Variants in PKHD1 observed in about 807,000 individuals in gnomAD.
The protein encoded by PKHD1 is fibrocystin.
Under a neutral mutation model 412.0 loss-of-function variants are expected in PKHD1, and 291 were observed. That is an observed-to-expected ratio of 0.71 (90% confidence interval 0.64 to 0.78). The LOEUF is 0.78. Among genes scored for constraint, PKHD1 ranks in the 30% least tolerant of loss-of-function variants. The pLI is 0.00. For missense variants in PKHD1, 4,825 were observed against 4,950.7 expected (o/e 0.97, Z 0.76); for synonymous variants, 1,777 against 1,821.5 (o/e 0.98, Z 0.62).
chr6:52,052,723 T>C (rs914397393), intron 21 of PKHD1, among the ~76,000 whole-genome samples: 13 of 152,196 alleles, frequency 8.5e-5, no homozygotes, highest in African/African-American at 2.9e-4. Flanking sequence ...TAAGGAGTAC[T>C]TTATATTAAA....
chr6:52,036,211 T>C (rs1803926904), intron 27 of PKHD1, among the ~76,000 whole-genome samples: 1 of 152,206 alleles, frequency 6.6e-6, no homozygotes, highest in African/African-American at 2.4e-5. Flanking sequence ...ATTTTCCTCA[T>C]CTTTAAATAA....
At chr6:51,769,543 G>C (rs955297022) in intron 55 of PKHD1, among the ~76,000 whole-genome samples, 4 of 151,352 alleles carry the variant, frequency 2.6e-5, no homozygotes, top group African/African-American at 9.7e-5. Flanking sequence ...TATGATTAAA[G>C]TTATTAGAGA....
rs552702637 is a variant in PKHD1 at position 51,914,178 on chromosome 6, G to T, written c.6122-1602C>A. Reference sequence around the variant, plus strand: ...GACTATCAACATGCAAGCTACGCATGGCAGAACCAAGAGTAAAGACCACAA... The same window carrying T: ...GACTATCAACATGCAAGCTACGCATTGCAGAACCAAGAGTAAAGACCACAA... On this transcript the variant is annotated intron_variant, in intron 37 of 66. Transcript: ENST00000371117. 3.3e-5 allele frequency among the ~76,000 whole-genome samples: 5 copies of T among 152,180 alleles called. No homozygotes were observed. In the South Asian group the frequency reaches 1.0e-3, roughly 32 times the overall value.
At chr6:51,690,271 C>CAAAAAAAAA (rs70977310) in intron 60 of PKHD1, among the ~76,000 whole-genome samples, 114 of 109,902 alleles carry the variant, frequency 1.0e-3, no homozygotes, top group Non-Finnish European at 1.6e-3. Context: ...GACTCCATCT[C>CAAAAAAAAA]AAAAAAAAAA....
chr6:51,763,597 T>C (rs960390975), intron 55 of PKHD1, among the ~76,000 whole-genome samples: 1 of 152,164 alleles, frequency 6.6e-6, no homozygotes, highest in African/African-American at 2.4e-5. Context: ...CATGACCTAA[T>C]CTGAATTCAT....
intron 14 of PKHD1, 41 bp from the exon 15 acceptor site, chr6:52,060,083 C>T (rs775988134): frequency 4.5e-6 from 5 of 1,103,000 alleles, no homozygotes; most frequent in Non-Finnish European, 7.0e-6. Flanking sequence ...GTAACCAAGG[C>T]CTGAATCACT....
intron 46 of PKHD1, among the ~76,000 whole-genome samples, chr6:51,881,823 C>T (rs1193394427): frequency 2.6e-5 from 4 of 152,174 alleles, no homozygotes; most frequent in Admixed American, 2.0e-4. Context: ...AGCATCTAGA[C>T]ATCCCCTAGA....
chr6:51,744,011 T>C (rs1784889881), intron 60 of PKHD1, among the ~76,000 whole-genome samples: 1 of 152,038 alleles, frequency 6.6e-6, no homozygotes, highest in Middle Eastern at 3.2e-3. Context: ...AAAAGAAAGG[T>C]AAGCTTAAAG....
At chr6:51,977,457 GC>G (rs746726406) in intron 35 of PKHD1, among the ~76,000 whole-genome samples, 1 of 152,150 alleles carries the variant, frequency 6.6e-6, no homozygotes, top group Non-Finnish European at 1.5e-5. Context: ...ATCGAGAACA[GC>G]CTTTCACCCC....
chr6:51,702,890 ATTTTTTT>A (rs11447702), intron 60 of PKHD1, among the ~76,000 whole-genome samples: 1 of 138,264 alleles, frequency 7.2e-6, no homozygotes, highest in Non-Finnish European at 1.6e-5. Flanking sequence ...TCAGAAATCA[ATTTTTTT>A]TTTTTTTTTT....
chr6:51,934,357 A>C lies in PKHD1; in HGVS notation c.5909-35T>G, dbSNP rs201142111. The C allele has an allele frequency of 5.2e-5, 72 of 1,385,398 alleles. No individual in the cohort carries two copies. In the Middle Eastern group the frequency reaches 7.6e-4, roughly 15 times the overall value. The allele number at this position is 1,385,398 out of a possible 1,614,324, so 85.8% of individuals were successfully genotyped here. On this transcript the variant is annotated intron_variant, in intron 36 of 66. Transcript: ENST00000371117. Reference sequence around the variant, plus strand: ...AAAGGGAAAATTGTCAGTCCCTGGGAGGATAAGGCTTACCGTTTTGTCAGT... The same window carrying C: ...AAAGGGAAAATTGTCAGTCCCTGGGCGGATAAGGCTTACCGTTTTGTCAGT...
chr6:51,730,639 C>T (rs2150886917), intron 60 of PKHD1, among the ~76,000 whole-genome samples: 2 of 152,102 alleles, frequency 1.3e-5, no homozygotes. Flanking sequence ...AATGTAAATA[C>T]ATAAAGAAAA....
chr6:51,848,029 C>CTT, intron 49 of PKHD1, 59 bp from the exon 50 acceptor site: 2 of 1,154,280 alleles, frequency 1.7e-6, no homozygotes, highest in South Asian at 2.4e-5. Context: ...ATCATTCCAC[C>CTT]TACTCCACCA....
chr6:51,748,961 C>T (rs972130510), intron 57 of PKHD1, among the ~76,000 whole-genome samples: 2 of 152,072 alleles, frequency 1.3e-5, no homozygotes, highest in Admixed American at 6.6e-5. Flanking sequence ...CCAAGTTTAA[C>T]GATTCTGTGT....
intron 37 of PKHD1, among the ~76,000 whole-genome samples, chr6:51,915,860 A>C (rs560668536): frequency 2.6e-5 from 4 of 152,078 alleles, no homozygotes; most frequent in African/African-American, 7.2e-5. Flanking sequence ...CAGAAAACAC[A>C]TTGTGAGAAC....
At chr6:51,622,824 G>A (rs145306790) in intron 66 of PKHD1, 9 of 152,060 alleles carry the variant, frequency 5.9e-5, no homozygotes, top group Middle Eastern at 3.4e-3. Flanking sequence ...AATGTGAATC[G>A]AGACTGATAA....
Position 51,882,655 on chromosome 6 carries a change from C to T in PKHD1, c.7350+438G>A, listed in dbSNP as rs1042267854. Among the ~76,000 whole-genome samples the T allele has an allele frequency of 2.6e-5, 4 of 152,228 alleles. No homozygotes were observed. In the East Asian group the frequency reaches 5.8e-4, roughly 22 times the overall value. On this transcript the variant is annotated intron_variant, in intron 46 of 66. Coordinates refer to ENST00000371117, the MANE Select transcript of PKHD1 (RefSeq NM_138694.4). ...CACTTAGGAACTAGTGCTTCCCACC[C>T]GGGAGTACTCTTTGCCCCATCTGCA...
chr6:51,980,152 C>T (rs1011527107), intron 35 of PKHD1, among the ~76,000 whole-genome samples: 2 of 152,200 alleles, frequency 1.3e-5, no homozygotes, highest in African/African-American at 4.8e-5. Context: ...CCGTATGTAA[C>T]AAGCAACAAA....
intron 64 of PKHD1, among the ~76,000 whole-genome samples, chr6:51,635,860 G>A (rs1421005597): frequency 1.6e-4 from 19 of 119,500 alleles, no homozygotes; most frequent in Non-Finnish European, 3.7e-5. Flanking sequence ...GGTGAAGGTG[G>A]GGGGGGGCGG....
Sources: allele counts gnomAD v4.1 joint callset (sites outside exome capture counted in the v4.1 genomes callset), GRCh38; gene constraint gnomAD v4.1.1; transcripts MANE v1.5; gene names NCBI Gene and HGNC (gene_info 2026-07-23, HGNC 2026-07-21).